Variants in SEMA6C observed in about 807,000 individuals in gnomAD.
SEMA6C encodes the protein semaphorin-6C.
In SEMA6C, 37 loss-of-function variants were observed where a neutral mutation model predicts 72.9. The observed-to-expected ratio is 0.51, with a 90% CI of 0.39 to 0.67. SEMA6C has a LOEUF of 0.67. SEMA6C is among the 30% of genes least tolerant of loss of function. The pLI is 0.00. For synonymous variants in SEMA6C, 578 were observed against 554.1 expected, an observed-to-expected ratio of 1.04 and a Z score of -0.61; for missense variants, 1,189 against 1,263.6, an observed-to-expected ratio of 0.94 and a Z score of 0.89.
chr1:151,137,378 G>A (rs1682122275), intron 10 of SEMA6C, among the ~76,000 whole-genome samples: 2 of 149,174 alleles, frequency 1.3e-5, no homozygotes, highest in African/African-American at 4.9e-5. Flanking sequence ...GCCAGGAGGC[G>A]GAGCTTGCAG....
At chr1:151,139,138 A>C (rs948976335) in intron 6 of SEMA6C, among the ~76,000 whole-genome samples, 7 of 151,666 alleles carry the variant, frequency 4.6e-5, no homozygotes, top group African/African-American at 1.7e-4. Flanking sequence ...AAGGTGGGCT[A>C]CTCCTCTGGA....
intron 14 of SEMA6C, 55 bp downstream of exon 14, chr1:151,135,536 G>A: frequency 6.4e-7 from 1 of 1,560,368 alleles, no homozygotes; most frequent in Non-Finnish European, 8.7e-7. Context: ...ATCTGCAGCT[G>A]CTACCTCCCA....
chr1:151,140,087 G>A lies in SEMA6C; in HGVS notation c.122C>T (p.Thr41Ile), dbSNP rs1212167012. 2 of 1,612,912 alleles carry A rather than the reference G, an allele frequency of 1.2e-6. No individual in the cohort carries two copies. Among genetic ancestry groups the A allele is most frequent in the Non-Finnish European group, 1.7e-6 (2 of 1,179,248 alleles). The change falls in exon 4 of 19, where the codon ACT becomes ATT. Residue 41 changes from threonine (T) to isoleucine (I), a missense_variant. By Grantham distance (89) the Thr-to-Ile change is moderately conservative. This residue lies in a region of SEMA6C where 468 missense variants were observed against 577.4 expected (regional missense o/e 0.81). Coordinates refer to ENST00000368914, the MANE Select transcript of SEMA6C (RefSeq NM_030913.6). Reference protein sequence around the residue: ...LPLLISDLQGTSPLSWFRGLE... With the variant: ...LPLLISDLQGISPLSWFRGLE... ...GCCCCGAAACCAGGATAATGGGGAA[G>A]TACCTTGAGGACACAGAGAGATAGG...
chr1:151,139,732 C>A lies in SEMA6C; in HGVS notation c.234-31G>T, dbSNP rs1205238711. 5 of 1,561,056 alleles carry A rather than the reference C, an allele frequency of 3.2e-6. No individual in the cohort carries two copies. The South Asian group carries it at 5.9e-5, about 18-fold the overall frequency. On this transcript the variant is annotated intron_variant, in intron 4 of 18. Coordinates refer to ENST00000368914, the MANE Select transcript of SEMA6C (RefSeq NM_030913.6). ...GGGGTAGGTAAGGAGGGGTCAGAGCCTAGTCAAGGCACCCCACTTTACCCA... is the reference window on the plus strand; with the variant it reads ...GGGGTAGGTAAGGAGGGGTCAGAGCATAGTCAAGGCACCCCACTTTACCCA...
Position 151,134,683 on chromosome 1 carries a change from G to A in SEMA6C, c.1659-8C>T, listed in dbSNP as rs1681867574. 6.2e-7 allele frequency: 1 copy of A among 1,613,976 alleles called. No homozygotes were observed. Among genetic ancestry groups the A allele is most frequent in the Non-Finnish European group, 8.5e-7 (1 of 1,180,018 alleles). ...GCCTGATCCACATCAGTCCTAGGAGGAAAACGAAGTGGCTATAGAATTCTG... is the reference window on the plus strand; with the variant it reads ...GCCTGATCCACATCAGTCCTAGGAGAAAAACGAAGTGGCTATAGAATTCTG... On this transcript the variant is annotated splice_polypyrimidine_tract_variant and splice_region_variant and intron_variant, in intron 16 of 18. Transcript: ENST00000368914.
chr1:151,138,193 C>A (rs1682223192), intron 8 of SEMA6C, 88 bp from the exon 9 acceptor site: 11 of 1,588,952 alleles, frequency 6.9e-6, no homozygotes, highest in Non-Finnish European at 9.4e-6. Flanking sequence ...CTACCTAGGC[C>A]TGGCCCTGGT....
chr1:151,138,568 A>G lies in SEMA6C; in HGVS notation c.456+62T>C. On this transcript the variant is annotated intron_variant, in intron 7 of 18. Transcript: ENST00000368914. ...GCAGTCCTTGGTCCTTTCCCATCAA[A>G]CCCATTGCCCATCTTGGGGTCCCCC... 3 of 1,531,816 alleles carry G rather than the reference A, an allele frequency of 2.0e-6. No homozygotes were observed. The South Asian group carries it at 3.4e-5, about 17-fold the overall frequency. The allele number at this position is 1,531,816 out of a possible 1,614,324, so 94.9% of individuals were successfully genotyped here.
chr1:151,135,773 A>G lies in SEMA6C; in HGVS notation c.1260-9T>C. On this transcript the variant is annotated splice_polypyrimidine_tract_variant and intron_variant, in intron 13 of 18. Transcript: ENST00000368914. ...CTTGGGTCAGTAGGGCCCTGGAGGA[A>G]AGGGCCTCAGGTCAGGGAACCTGTC... is the stretch of plus-strand genomic sequence containing the variant. The G allele has an allele frequency of 6.2e-7, 1 of 1,613,408 alleles. No homozygotes were observed. The highest frequency in any genetic ancestry group is 8.5e-7 in the Non-Finnish European group (1 of 1,179,582).
At position 151,138,423 on chromosome 1, in the gene SEMA6C, C is replaced by A; in HGVS notation, c.457-17G>T. 6.2e-7 allele frequency: 1 copy of A among 1,608,766 alleles called. No individual in the cohort carries two copies. The highest frequency in any genetic ancestry group is 8.5e-7 in the Non-Finnish European group (1 of 1,176,646). On this transcript the variant is annotated splice_polypyrimidine_tract_variant and intron_variant, in intron 7 of 18. Coordinates refer to ENST00000368914, the MANE Select transcript of SEMA6C (RefSeq NM_030913.6). ...CGAAGTTATCTGAGGGCAGAGGGAG[C>A]AGATGCCTGGAACCTTTAGGGTCTT... is the stretch of plus-strand genomic sequence containing the variant.
rs201793186 is a variant in SEMA6C at position 151,139,503 on chromosome 1, G to A, written c.298-22C>T. On this transcript the variant is annotated intron_variant, in intron 5 of 18. Transcript: ENST00000368914. Reference sequence around the variant, plus strand: ...GATACTGAAGGGATAAGTTGAAGAGGGAAAATCATGGGCAACTGGGTTCCC... The same window carrying A: ...GATACTGAAGGGATAAGTTGAAGAGAGAAAATCATGGGCAACTGGGTTCCC... The A allele has an allele frequency of 2.8e-4, 444 of 1,612,180 alleles. 3 individuals are homozygous for A. Among genetic ancestry groups the A allele is most frequent in the South Asian group, 2.5e-3 (231 of 91,038 alleles).
intron 1 of SEMA6C, 149 bp from the exon 2 acceptor site, chr1:151,144,583 C>T (rs1375798608): frequency 6.6e-6 from 1 of 152,394 alleles, no homozygotes; most frequent in African/African-American, 2.4e-5. Flanking sequence ...GCTGATGACA[C>T]TTCTTAATAG....
Position 151,133,467 on chromosome 1 carries a change from G to C in SEMA6C, c.1810C>G (p.Pro604Ala), listed in dbSNP as rs1386455443. 1.9e-6 allele frequency: 3 copies of C among 1,552,880 alleles called. No individual in the cohort carries two copies. The South Asian group carries it at 3.5e-5, about 18-fold the overall frequency. ...GCGGCCACACTGGCCAGGAGGAGTG[G>C]GATGGGGACGGAGCGGGAGGCCGAG... ...PASASRSVPI[P>A]LLLASVAAAF... The change falls in exon 19 of 19, where the codon CCA (proline) becomes GCA (alanine). Residue 604 changes from proline to alanine, a missense_variant. By Grantham distance (27) the Pro-to-Ala change is conservative (BLOSUM62 -1). Transcript: ENST00000368914. The surrounding 1 kb of genome is among the most constrained non-coding windows in gnomAD (Gnocchi z 5.9).
At chr1:151,141,692 T>G (rs144177151) in intron 3 of SEMA6C, among the ~76,000 whole-genome samples, 1,943 of 143,254 alleles carry the variant, frequency 0.014, 20 homozygotes, top group Middle Eastern at 0.044. Flanking sequence ...ATTACAGGTG[T>G]AAAGCCACCG....
rs587663248 is a variant in SEMA6C, at chr1:151,135,843, A to C, written c.1260-79T>G. ...TCAGGGAGAGCCCAACTGCCTTGGT[A>C]GCTGTGCCTGTGCCCTTCCCCCAGG... On this transcript the variant is annotated intron_variant, in intron 13 of 18. Coordinates refer to ENST00000368914, the MANE Select transcript of SEMA6C (RefSeq NM_030913.6). 3.2e-6 allele frequency: 5 copies of C among 1,548,968 alleles called. No individual in the cohort carries two copies. The African/African-American group carries it at 6.8e-5, about 21-fold the overall frequency.
chr1:151,133,554 G>T lies in SEMA6C; in HGVS notation c.1760-37C>A, dbSNP rs1681760642. ...GAGGGAGGAGGGAGGCTCAGCCAAG[G>T]GGAGGCGGTGCGGGGTACCTAGGCC... On this transcript the variant is annotated intron_variant, in intron 18 of 18. Coordinates refer to ENST00000368914, the MANE Select transcript of SEMA6C (RefSeq NM_030913.6). The surrounding 1 kb of genome is among the most constrained non-coding windows in gnomAD (Gnocchi z 5.9). 6.8e-7 allele frequency: 1 copy of T among 1,470,112 alleles called. No individual in the cohort carries two copies. The highest frequency in any genetic ancestry group is 9.0e-7 in the Non-Finnish European group (1 of 1,114,410). 91.1% of individuals were successfully genotyped at this position (1,470,112 alleles called of 1,614,324 possible).
chr1:151,139,376 G>A (rs1558186307), intron 6 of SEMA6C, 49 bp downstream of exon 6: 1 of 1,503,270 alleles, frequency 6.7e-7, no homozygotes, highest in Non-Finnish European at 9.3e-7. Context: ...CAGAGACTGG[G>A]GGCAGAGTAA....
At chr1:151,136,209 G>A (rs759555284) in intron 12 of SEMA6C, 46 bp from the exon 13 acceptor site, 33 of 1,608,534 alleles carry the variant, frequency 2.1e-5, no homozygotes, top group Non-Finnish European at 2.5e-5. Flanking sequence ...GGGAGCTGGA[G>A]CTTAGTTAAC....
chr1:151,133,037 C>T lies in SEMA6C; in HGVS notation c.2240G>A (p.Arg747His). Residue 747 changes from arginine (R) to histidine (H), a missense_variant, in exon 19 of 19, where the codon CGC becomes CAC. By Grantham distance (29) the Arg-to-His change is conservative. Transcript: ENST00000368914. The surrounding 1 kb of genome is among the most constrained non-coding windows in gnomAD (Gnocchi z 5.9). ...GGGCGGCGGTGGCCTCACCAGCACG[C>T]GGGGCGCGGGCCCGCCCGCCGCGTG... ...GGHAAGGPAPRVLVRPPPPGC... is the reference protein window; with the variant it reads ...GGHAAGGPAPHVLVRPPPPGC... The T allele has an allele frequency of 7.2e-7, 1 of 1,387,666 alleles. No homozygotes were observed. The highest frequency in any genetic ancestry group is 9.3e-7 in the Non-Finnish European group (1 of 1,076,886). 86.0% of individuals were successfully genotyped at this position (1,387,666 alleles called of 1,614,324 possible).
chr1:151,137,738 G>A lies in SEMA6C; in HGVS notation c.729C>T (p.Val243=). 2 of 1,613,714 alleles carry A rather than the reference G, an allele frequency of 1.2e-6. No homozygotes were observed. Among genetic ancestry groups the A allele is most frequent in the Non-Finnish European group, 1.7e-6 (2 of 1,179,738 alleles). The change falls in exon 10 of 19, where the codon GTC becomes GTT. Residue 243 remains valine, a synonymous_variant. Transcript: ENST00000368914. ...TCCCCAGCCGAGCATCCTCCACAGAGACCTCGCGGAAGAAGAAGTAGACAT... is the reference window on the plus strand; with the variant it reads ...TCCCCAGCCGAGCATCCTCCACAGAAACCTCGCGGAAGAAGAAGTAGACAT... ...GDHVYFFFRE[V]SVEDARLGRV...
Sources: allele counts gnomAD v4.1 joint callset (sites outside exome capture counted in the v4.1 genomes callset), GRCh38; gene constraint gnomAD v4.1.1; regional missense constraint gnomAD v4.1.1; non-coding constraint Gnocchi (gnomAD v3.1); transcripts MANE v1.5; gene names NCBI Gene and HGNC (gene_info 2026-07-23, HGNC 2026-07-21).